Variants in NECTIN3 observed in about 807,000 individuals in gnomAD.
NECTIN3 encodes the protein nectin cell adhesion molecule 3, also known as nectin-3.
NECTIN3 carries 8 observed loss-of-function variants against 49.4 expected under a neutral mutation model. That is an observed-to-expected ratio of 0.16 (90% CI 0.10 to 0.29). The LOEUF is 0.29. Among genes scored for constraint, NECTIN3 ranks in the 10% least tolerant of loss-of-function variants. The pLI, the probability that NECTIN3 is intolerant of heterozygous loss-of-function variation, is 1.00. For synonymous variants in NECTIN3, 277 were observed against 241.1 expected (o/e 1.15, Z -1.38); for missense variants, 581 against 654.6 (o/e 0.89, Z 1.23).
intron 7 of NECTIN3, among the ~76,000 whole-genome samples, chr3:111,170,346 A>G (rs998558089): frequency 2.6e-4 from 39 of 152,192 alleles, no homozygotes; most frequent in African/African-American, 7.7e-4. Flanking sequence ...AGCACTTTAC[A>G]TGAACTGTGT....
chr3:111,072,552 C>G, intron 1 of NECTIN3: 2 of 1,535,694 alleles, frequency 1.3e-6, no homozygotes, highest in South Asian at 1.2e-5. Flanking sequence ...GCTTTTTTTC[C>G]CGGTGAAACT....
chr3:111,105,821 G>A (rs546358123), intron 1 of NECTIN3, among the ~76,000 whole-genome samples: 193 of 152,226 alleles, frequency 1.3e-3, no homozygotes, highest in Middle Eastern at 3.4e-3. Flanking sequence ...GAACTTTGTT[G>A]CCTGTTGACT....
chr3:111,077,865 A>G (rs1008047783), intron 1 of NECTIN3, among the ~76,000 whole-genome samples: 1 of 152,238 alleles, frequency 6.6e-6, no homozygotes, highest in African/African-American at 2.4e-5. Flanking sequence ...AGTCCAAACC[A>G]GCACGTTTTA....
intron 1 of NECTIN3, among the ~76,000 whole-genome samples, chr3:111,105,614 C>T (rs1405318827): frequency 6.6e-6 from 1 of 152,278 alleles, no homozygotes; most frequent in African/African-American, 2.4e-5. Context: ...ATCATATTTT[C>T]TCTAAAGACA....
At chr3:111,121,394 T>C (rs565362253) in intron 3 of NECTIN3, among the ~76,000 whole-genome samples, 2 of 152,284 alleles carry the variant, frequency 1.3e-5, no homozygotes, top group African/African-American at 4.8e-5. Flanking sequence ...ATGATAGTTA[T>C]TGGACTTAGT....
chr3:111,144,211 G>T (rs1478564336), intron 5 of NECTIN3, among the ~76,000 whole-genome samples: 1 of 151,916 alleles, frequency 6.6e-6, no homozygotes, highest in Non-Finnish European at 1.5e-5. Context: ...AAAAATTGTG[G>T]TGCAGTGTGG....
At chr3:111,167,831 A>G (rs1193220864) in intron 7 of NECTIN3, among the ~76,000 whole-genome samples, 2 of 152,286 alleles carry the variant, frequency 1.3e-5, no homozygotes, top group African/African-American at 4.8e-5. Context: ...CCCCCTTTTC[A>G]CAACAAAAAG....
intron 7 of NECTIN3, among the ~76,000 whole-genome samples, chr3:111,165,333 G>A (rs1361105746): frequency 6.6e-6 from 1 of 152,088 alleles, no homozygotes; most frequent in Admixed American, 6.5e-5. Flanking sequence ...ATGAGCCACC[G>A]TGCCCGGCCA....
At chr3:111,193,242 C>G in intron 1 of NECTIN3, 1 of 1,535,704 alleles carries the variant, frequency 6.5e-7, no homozygotes, top group Non-Finnish European at 8.7e-7. Context: ...AGATGAGAAT[C>G]CAGTTGGGGA....
downstream of NECTIN3, among the ~76,000 whole-genome samples, chr3:111,139,651 G>C: frequency 6.6e-6 from 1 of 151,672 alleles, no homozygotes. Flanking sequence ...ATACCTAGAT[G>C]TCTGAATAAT....
At chr3:111,140,767 T>C (rs1322401158), downstream of NECTIN3, among the ~76,000 whole-genome samples, 1 of 151,862 alleles carries the variant, frequency 6.6e-6, no homozygotes, top group Non-Finnish European at 1.5e-5. Context: ...TACTTAATTT[T>C]CTTCTGGAAC....
At chr3:111,079,943 G>T (rs1222125388) in intron 1 of NECTIN3, among the ~76,000 whole-genome samples, 2 of 151,998 alleles carry the variant, frequency 1.3e-5, no homozygotes, top group Admixed American at 1.3e-4. Flanking sequence ...TGAAATAACA[G>T]TAAGGGAATT....
Position 111,072,103 on chromosome 3 carries a change from T to C in NECTIN3, c.86T>C (p.Leu29Pro), listed in dbSNP as rs1216092261. Residue 29 changes from leucine (L) to proline (P), a missense_variant, in exon 1 of 6, where the codon CTC becomes CCC. By Grantham distance (98) the Leu-to-Pro change is moderately conservative (BLOSUM62 -3). Around this residue, in one of 3 missense-constraint regions of NECTIN3, gnomAD observed 109 missense variants for 69.1 expected, o/e 1.58. Coordinates refer to ENST00000485303, the MANE Select transcript of NECTIN3 (RefSeq NM_015480.3). ...LSSASLLGAG[L>P]LLQPPTPPPL... Reference sequence around the variant, plus strand: ...TCCGCTTCTCTCCTCGGAGCCGGGCTCCTGCTGCAGCCCCCGACGCCACCT... The same window carrying C: ...TCCGCTTCTCTCCTCGGAGCCGGGCCCCTGCTGCAGCCCCCGACGCCACCT... The C allele has an allele frequency of 5.8e-6, 9 of 1,549,528 alleles. No homozygotes were observed. The highest frequency in any genetic ancestry group is 7.0e-6 in the Non-Finnish European group (8 of 1,146,176).
At chr3:111,152,466 C>A (rs914291997) in intron 7 of NECTIN3, among the ~76,000 whole-genome samples, 1 of 151,786 alleles carries the variant, frequency 6.6e-6, no homozygotes, top group Admixed American at 6.6e-5. Flanking sequence ...TGTAATTTTG[C>A]AATCTTTTGG....
intron 7 of NECTIN3, among the ~76,000 whole-genome samples, chr3:111,179,171 T>C (rs550690048): frequency 1.3e-5 from 2 of 152,352 alleles, no homozygotes; most frequent in South Asian, 4.1e-4. Flanking sequence ...CATGTTCTCT[T>C]GCCTTCTTTC....
chr3:111,180,145 C>G (rs1349699090), intron 7 of NECTIN3, among the ~76,000 whole-genome samples: 2 of 152,126 alleles, frequency 1.3e-5, no homozygotes, highest in Non-Finnish European at 2.9e-5. Context: ...TTATAAAACT[C>G]ATATATAAGA....
At chr3:111,073,976 T>C (rs1373351640) in intron 1 of NECTIN3, among the ~76,000 whole-genome samples, 1 of 151,006 alleles carries the variant, frequency 6.6e-6, no homozygotes, top group Non-Finnish European at 1.5e-5. Flanking sequence ...GCTTAAAAAC[T>C]TAAGCAGTGT....
intron 5 of NECTIN3, among the ~76,000 whole-genome samples, chr3:111,131,834 G>C (rs1367292951): frequency 5.3e-5 from 8 of 151,654 alleles, no homozygotes; most frequent in Admixed American, 2.6e-4. Context: ...AAAGAACCAT[G>C]AAAAACTTTA....
chr3:111,134,540 G>C lies in NECTIN3; in HGVS notation c.*325G>C. On this transcript the variant is annotated 3_prime_UTR_variant, in exon 6 of 6. Transcript: ENST00000485303. ...CTTGGTACAAAAATTTTTTAAAAAG[G>C]GAACTACCTTGACATTGTGTATTAA... is the stretch of plus-strand genomic sequence containing the variant. 1.0e-6 allele frequency: 1 copy of C among 981,918 alleles called. No homozygotes were observed. Among genetic ancestry groups the C allele is most frequent in the Non-Finnish European group, 1.2e-6 (1 of 819,866 alleles). 60.8% of individuals were successfully genotyped at this position (981,918 alleles called of 1,614,324 possible). A position where few individuals can be genotyped will look rare whatever the true frequency, so the allele number is the denominator to read the frequency against.
Sources: allele counts gnomAD v4.1 joint callset (sites outside exome capture counted in the v4.1 genomes callset), GRCh38; gene constraint gnomAD v4.1.1; regional missense constraint gnomAD v4.1.1; transcripts MANE v1.5; gene names NCBI Gene and HGNC (gene_info 2026-07-23, HGNC 2026-07-21).